Variants in EVL observed in about 807,000 individuals in gnomAD.
EVL encodes the protein Enah/Vasp-like.
Under a neutral mutation model 59.6 loss-of-function variants are expected in EVL, and 21 were observed. That is an observed-to-expected ratio of 0.35 (90% confidence interval 0.25 to 0.51). The LOEUF is 0.51. Among genes scored for constraint, EVL ranks in the 20% least tolerant of loss-of-function variants. EVL has a pLI of 0.97. For missense variants in EVL, 462 were observed against 546.6 expected (o/e 0.85, Z 1.54); for synonymous variants, 198 against 203.5 (o/e 0.97, Z 0.23).
At chr14:100,007,510 T>C (rs1021411552) in intron 1 of EVL, among the ~76,000 whole-genome samples, 1 of 152,208 alleles carries the variant, frequency 6.6e-6, no homozygotes, top group Non-Finnish European at 1.5e-5. Flanking sequence ...TCTGTGCTGC[T>C]CTCTTATCTA....
At chr14:99,975,627 A>G (rs538206979) in intron 1 of EVL, among the ~76,000 whole-genome samples, 3 of 152,330 alleles carry the variant, frequency 2.0e-5, no homozygotes, top group South Asian at 2.1e-4. Context: ...TAAGGAGTGC[A>G]CAATCTGGAT....
intron 7 of EVL, among the ~76,000 whole-genome samples, chr14:100,132,448 G>A (rs932884724): frequency 2.0e-5 from 3 of 152,150 alleles, no homozygotes; most frequent in Non-Finnish European, 2.9e-5. Flanking sequence ...GCTGCTGCCA[G>A]TAGAGCTAAA....
chr14:100,116,645 T>A (rs1447371981), intron 3 of EVL, among the ~76,000 whole-genome samples: 1 of 152,126 alleles, frequency 6.6e-6, no homozygotes, highest in African/African-American at 2.4e-5. Context: ...GCTCCCTGCC[T>A]ACCCCGCGCC....
chr14:100,103,939 G>A (rs778018166), intron 3 of EVL, among the ~76,000 whole-genome samples: 25 of 152,306 alleles, frequency 1.6e-4, no homozygotes, highest in Non-Finnish European at 3.2e-4. Context: ...GTATATGCAT[G>A]CACGTGCTGC....
At chr14:100,138,621 G>C (rs1280628093) in intron 11 of EVL, 1 of 152,912 alleles carries the variant, frequency 6.5e-6, no homozygotes, top group East Asian at 1.9e-4. Flanking sequence ...AGATGAGGAA[G>C]TCTTAGCAGT....
chr14:100,101,238 A>G (rs1430947774), intron 3 of EVL, among the ~76,000 whole-genome samples: 2 of 152,166 alleles, frequency 1.3e-5, no homozygotes, highest in African/African-American at 4.8e-5. Flanking sequence ...TAATCCCAAT[A>G]CTTGGGGAGG....
chr14:99,976,033 T>C (rs1403365411), intron 1 of EVL, among the ~76,000 whole-genome samples: 1 of 152,026 alleles, frequency 6.6e-6, no homozygotes, highest in African/African-American at 2.4e-5. Flanking sequence ...AATTTCTTTT[T>C]TGTTTTTTAT....
Position 100,084,783 on chromosome 14 carries a change from C to G in EVL, c.108C>G (p.Ser36Arg), listed in dbSNP as rs2062400751. 6.2e-7 allele frequency: 1 copy of G among 1,614,036 alleles called. No homozygotes were observed. The highest frequency in any genetic ancestry group is 8.5e-7 in the Non-Finnish European group (1 of 1,180,044). Residue 36 changes from serine (S) to arginine (R), a missense_variant, in exon 2 of 14, where the codon AGC becomes AGG. Ser to Arg is a moderately radical substitution (Grantham distance 110). Coordinates refer to ENST00000392920, the MANE Select transcript of EVL (RefSeq NM_016337.3). ...VPIKPGQQGF[S>R]RINIYHNTAS... ...TCAAACCTGGCCAGCAGGGATTCAGCCGGATCAACATCTACCACAACACTG... is the reference window on the plus strand; with the variant it reads ...TCAAACCTGGCCAGCAGGGATTCAGGCGGATCAACATCTACCACAACACTG...
At chr14:99,982,488 A>T (rs550124606) in intron 1 of EVL, among the ~76,000 whole-genome samples, 1 of 152,338 alleles carries the variant, frequency 6.6e-6, no homozygotes, top group African/African-American at 2.4e-5. Flanking sequence ...TTAATCCTAG[A>T]GGTTTAACTT....
At chr14:100,137,715 T>C in intron 10 of EVL, 25 bp from the exon 11 acceptor site, 1 of 1,613,956 alleles carries the variant, frequency 6.2e-7, no homozygotes, top group Non-Finnish European at 8.5e-7. Context: ...CCGATTCACA[T>C]GTCTGTTTCA....
chr14:100,020,580 G>C (rs1157217543), intron 1 of EVL, among the ~76,000 whole-genome samples: 1 of 152,178 alleles, frequency 6.6e-6, no homozygotes, highest in African/African-American at 2.4e-5. Context: ...GATGGGCAAA[G>C]AGTGATTGTG....
chr14:100,038,529 C>T (rs528456820), intron 1 of EVL, among the ~76,000 whole-genome samples: 11 of 152,192 alleles, frequency 7.2e-5, no homozygotes, highest in Non-Finnish European at 1.0e-4. Flanking sequence ...TCTTAACAAG[C>T]GGAACAAGTC....
intron 1 of EVL, chr14:100,066,377 T>C (rs2061930691): frequency 6.6e-6 from 1 of 152,216 alleles, no homozygotes; most frequent in African/African-American, 2.4e-5. Context: ...GTTGTGGGGT[T>C]TGTCCAAGGT....
At chr14:100,116,545 T>G (rs1349354813) in intron 3 of EVL, among the ~76,000 whole-genome samples, 1 of 152,168 alleles carries the variant, frequency 6.6e-6, no homozygotes, top group Non-Finnish European at 1.5e-5. Context: ...AGGAAGGCCT[T>G]CTTCAGGAGG....
At chr14:100,056,524 C>A (rs1016321129) in intron 1 of EVL, among the ~76,000 whole-genome samples, 1 of 152,096 alleles carries the variant, frequency 6.6e-6, no homozygotes, top group African/African-American at 2.4e-5. Flanking sequence ...GTAGAGGTTG[C>A]TTCATTTGTT....
intron 1 of EVL, among the ~76,000 whole-genome samples, chr14:100,003,350 C>G (rs759853344): frequency 6.6e-6 from 1 of 152,166 alleles, no homozygotes; most frequent in South Asian, 2.1e-4. Flanking sequence ...CTCAGTGTCA[C>G]AAGGACTTTA....
intron 1 of EVL, among the ~76,000 whole-genome samples, chr14:100,018,478 G>T (rs1429303382): frequency 6.6e-6 from 1 of 152,234 alleles, no homozygotes; most frequent in African/African-American, 2.4e-5. Flanking sequence ...AGTTAGTAAT[G>T]CAGGGTTAAA....
At chr14:100,117,774 G>A (rs895167097) in intron 3 of EVL, among the ~76,000 whole-genome samples, 2 of 152,170 alleles carry the variant, frequency 1.3e-5, no homozygotes, top group Non-Finnish European at 2.9e-5. Context: ...TGCCACTGGT[G>A]GCCTATGGTG....
At chr14:99,974,388 C>G (rs2060755724) in intron 1 of EVL, 1 of 152,406 alleles carries the variant, frequency 6.6e-6, no homozygotes. Flanking sequence ...TCAGTGAATT[C>G]CTAGTTTCCT....
Sources: allele counts gnomAD v4.1 joint callset (sites outside exome capture counted in the v4.1 genomes callset), GRCh38; gene constraint gnomAD v4.1.1; transcripts MANE v1.5; gene names NCBI Gene and HGNC (gene_info 2026-07-23, HGNC 2026-07-21).